Variants in HOMER2 observed in about 807,000 individuals in gnomAD.
HOMER2 encodes homer scaffold protein 2.
Under a neutral mutation model 47.0 loss-of-function variants are expected in HOMER2, and 27 were observed. That is an observed-to-expected ratio of 0.57 (90% CI 0.42 to 0.79). The LOEUF (loss-of-function observed/expected upper bound fraction) is 0.79. Ranked by LOEUF, HOMER2 falls within the 30% of genes least tolerant of loss-of-function variation. The pLI is 0.00. For synonymous variants in HOMER2, 161 were observed against 163.8 expected (o/e 0.98, Z 0.13); for missense variants, 443 against 435.0 (o/e 1.02, Z -0.16).
At chr15:82,930,824 G>C (rs1018554138) in intron 1 of HOMER2, among the ~76,000 whole-genome samples, 7 of 152,156 alleles carry the variant, frequency 4.6e-5, no homozygotes, top group Admixed American at 1.3e-4. Flanking sequence ...TCTGGAGTTT[G>C]AGACCAGCCT....
intron 2 of HOMER2, among the ~76,000 whole-genome samples, chr15:82,879,991 A>G (rs903799603): frequency 4.0e-4 from 61 of 152,336 alleles, no homozygotes; most frequent in Non-Finnish European, 1.6e-4. Flanking sequence ...ATTAAAAAAA[A>G]AGAAGGAAGT....
intron 1 of HOMER2, among the ~76,000 whole-genome samples, chr15:82,964,845 G>T (rs879785607): frequency 1.3e-5 from 2 of 152,132 alleles, no homozygotes; most frequent in Admixed American, 1.3e-4. Context: ...TTTACAGAAA[G>T]CAGTGTTTCC....
At chr15:82,934,244 G>A (rs2054088154) in intron 1 of HOMER2, among the ~76,000 whole-genome samples, 2 of 152,062 alleles carry the variant, frequency 1.3e-5, no homozygotes, top group Non-Finnish European at 2.9e-5. Flanking sequence ...ACCCACCTTC[G>A]CCTGCCTCCA....
At chr15:82,943,589 T>C (rs182403503) in intron 1 of HOMER2, among the ~76,000 whole-genome samples, 1 of 152,226 alleles carries the variant, frequency 6.6e-6, no homozygotes, top group Non-Finnish European at 1.5e-5. Flanking sequence ...ATCTAAAAAC[T>C]CCAATTAAAA....
chr15:82,841,099 CTTATTT>C (rs1287473665), exon 2 of HOMER2: 3 of 151,978 alleles, frequency 2.0e-5, no homozygotes, highest in Non-Finnish European at 4.4e-5. Flanking sequence ...ATTTAAAGCT[CTTATTT>C]TTATTATACA....
At chr15:82,982,983 G>A (rs185511770) in intron 1 of HOMER2, among the ~76,000 whole-genome samples, 4 of 152,090 alleles carry the variant, frequency 2.6e-5, no homozygotes, top group Non-Finnish European at 5.9e-5. Flanking sequence ...GATTTTTGAC[G>A]GGGTTATGTC....
chr15:82,920,407 G>A (rs201293542), intron 1 of HOMER2, among the ~76,000 whole-genome samples: 22 of 152,332 alleles, frequency 1.4e-4, no homozygotes, highest in East Asian at 9.6e-4. Flanking sequence ...CTGGAGGGCA[G>A]AAATCCGCAG....
At chr15:82,851,752 A>C (rs1180058920) in intron 7 of HOMER2, among the ~76,000 whole-genome samples, 2 of 152,066 alleles carry the variant, frequency 1.3e-5, no homozygotes, top group Non-Finnish European at 2.9e-5. Context: ...ACATAATGAG[A>C]CTCCATCTTA....
rs781482695 is a variant in HOMER2, at chr15:82,854,704, C to T, written c.591G>A (p.Val197=). ...TTALQESAAS[V]EQWKRQFSIC... The stretch of plus-strand genomic sequence containing the variant: ...TGGAGAACTGCCTCTTCCACTGCTC[C>T]ACACTGGCTGCCGACTCCTGCAGTG... The change falls in exon 6 of 9, where the codon GTG becomes GTA. Residue 197 remains valine (V), a synonymous_variant. Coordinates refer to ENST00000450735, the MANE Select transcript of HOMER2 (RefSeq NM_004839.4). The T allele has an allele frequency of 3.5e-5, 57 of 1,613,014 alleles. No individual in the cohort carries two copies. The highest frequency in any genetic ancestry group is 2.6e-4 in the South Asian group (24 of 91,084).
At chr15:82,894,072 C>A (rs1480553218) in intron 1 of HOMER2, among the ~76,000 whole-genome samples, 1 of 152,012 alleles carries the variant, frequency 6.6e-6, no homozygotes, top group African/African-American at 2.4e-5. Flanking sequence ...TATGTAAATT[C>A]ATCAAATCCA....
intron 1 of HOMER2, among the ~76,000 whole-genome samples, chr15:82,895,301 C>CA (rs113601548): frequency 0.012 from 1,821 of 152,290 alleles, 39 homozygotes; most frequent in African/African-American, 0.042. Context: ...AACACCCTTC[C>CA]AGCAGCTGGG....
At chr15:82,873,680 GA>G (rs1434016521) in intron 3 of HOMER2, among the ~76,000 whole-genome samples, 1 of 152,250 alleles carries the variant, frequency 6.6e-6, no homozygotes, top group Non-Finnish European at 1.5e-5. Flanking sequence ...ACCCAGGAAA[GA>G]ATGCTTCTGT....
chr15:82,852,955 G>C (rs1415388872), intron 6 of HOMER2, among the ~76,000 whole-genome samples: 1 of 152,236 alleles, frequency 6.6e-6, no homozygotes, highest in Non-Finnish European at 1.5e-5. Flanking sequence ...CACTGCCATT[G>C]AATGCTGGGG....
intron 1 of HOMER2, among the ~76,000 whole-genome samples, chr15:82,918,144 ACT>A (rs1386586035): frequency 6.6e-6 from 1 of 152,006 alleles, no homozygotes; most frequent in African/African-American, 2.4e-5. Flanking sequence ...CCCAGTGTCT[ACT>A]CTCATAAGAA....
intron 1 of HOMER2, among the ~76,000 whole-genome samples, chr15:82,947,311 G>A (rs1000255421): frequency 6.6e-6 from 1 of 152,210 alleles, no homozygotes; most frequent in African/African-American, 2.4e-5. Context: ...AAGAAGGAAT[G>A]AATGAACATC....
At chr15:82,982,677 C>T (rs1048916764) in intron 1 of HOMER2, among the ~76,000 whole-genome samples, 3 of 152,172 alleles carry the variant, frequency 2.0e-5, no homozygotes, top group Non-Finnish European at 2.9e-5. Context: ...TGCCCAATCT[C>T]TATATTCTTT....
At chr15:82,871,434 TCAGCACACGCCTTG>T (rs2052172868) in intron 3 of HOMER2, among the ~76,000 whole-genome samples, 1 of 152,214 alleles carries the variant, frequency 6.6e-6, no homozygotes, top group African/African-American at 2.4e-5. Flanking sequence ...GGCTGTCCCC[TCAGCACACGCCTTG>T]GGAGCCCTGG....
Position 82,960,977 on chromosome 15 carries a change from C to A in HOMER2, n.83-1669G>T, listed in dbSNP as rs149041412. ...GGCCTGTGCTGGGCTCCCTGTAAGA[C>A]CTGGCTTCTGCTCCAAGGTCCACCT... On this transcript the variant is annotated intron_variant and non_coding_transcript_variant, in intron 1 of 1. Transcript: ENST00000500334. Among the ~76,000 whole-genome samples the A allele has an allele frequency of 1.3e-4, 20 of 152,348 alleles. No homozygotes were observed. In the East Asian group the frequency reaches 2.3e-3, roughly 18 times the overall value.
At chr15:82,906,372 A>T (rs1188470088) in intron 1 of HOMER2, among the ~76,000 whole-genome samples, 1 of 152,194 alleles carries the variant, frequency 6.6e-6, no homozygotes, top group Non-Finnish European at 1.5e-5. Context: ...TGTTCTAAAT[A>T]CACAAAAGAC....
Sources: gnomAD v4.1 joint callset for allele counts (sites outside exome capture counted in the v4.1 genomes callset) on GRCh38, gnomAD v4.1.1 for gene constraint, MANE v1.5 for transcripts, NCBI Gene and HGNC (gene_info 2026-07-23, HGNC 2026-07-21) for gene names.